Variants in DNAJC3 observed in about 807,000 individuals in gnomAD.
The protein encoded by DNAJC3 is DnaJ heat shock protein family (Hsp40) member C3, also known as dnaJ homolog subfamily C member 3.
DNAJC3 carries 38 observed loss-of-function variants against 68.6 expected under a neutral mutation model. That is an observed-to-expected ratio of 0.55 (90% CI 0.43 to 0.73). The LOEUF (loss-of-function observed/expected upper bound fraction) is 0.73, where lower values mean the gene tolerates loss of function less well. Ranked by LOEUF, DNAJC3 falls within the 30% of genes least tolerant of loss-of-function variation. The probability of loss-of-function intolerance (pLI) is 0.00; values close to 1 mark genes in which losing one functional copy is unlikely to be tolerated. For synonymous variants in DNAJC3, 203 were observed against 204.0 expected, an observed-to-expected ratio of 1.00 and a Z score of 0.04; for missense variants, 526 against 591.9, an observed-to-expected ratio of 0.89 and a Z score of 1.16.
In DNAJC3 at chr13:95,718,963, C is replaced by T. The variant is rs140681710; in HGVS notation, c.194-4279C>T. Among the ~76,000 whole-genome samples the T allele has an allele frequency of 1.9e-3, 293 of 152,264 alleles. 1 individual carries two copies. Among genetic ancestry groups the T allele is most frequent in the African/African-American group, 6.9e-3 (285 of 41,544 alleles). On this transcript the variant is annotated intron_variant, in intron 2 of 11. Transcript: ENST00000602402. Reference sequence around the variant, plus strand: ...ATCCCACAGATTGAGAGCTCAGTGCCACAAGACCACTCCTGACTTCAGAAG... The same window carrying T: ...ATCCCACAGATTGAGAGCTCAGTGCTACAAGACCACTCCTGACTTCAGAAG...
chr13:95,687,400 G>T (rs1201591202), intron 1 of DNAJC3, among the ~76,000 whole-genome samples: 1 of 152,116 alleles, frequency 6.6e-6, no homozygotes, highest in Non-Finnish European at 1.5e-5. Context: ...AGGACTTCCA[G>T]TACTATGTTG....
chr13:95,778,298 T>A (rs1481806787), intron 9 of DNAJC3, among the ~76,000 whole-genome samples: 2 of 152,188 alleles, frequency 1.3e-5, no homozygotes, highest in African/African-American at 4.8e-5. Flanking sequence ...AGCCCTTTGG[T>A]ACTGGTATAA....
chr13:95,745,381 C>T (rs1348871683), intron 4 of DNAJC3: 4 of 152,300 alleles, frequency 2.6e-5, no homozygotes, highest in Admixed American at 6.5e-5. Flanking sequence ...ACACGTCTAT[C>T]GTAAGAACTG....
intron 2 of DNAJC3, among the ~76,000 whole-genome samples, chr13:95,722,977 G>A (rs1311902235): frequency 6.6e-6 from 1 of 151,450 alleles, no homozygotes; most frequent in African/African-American, 2.4e-5. Context: ...TCTTTTTTTT[G>A]GGCAACTTTT....
At chr13:95,717,784 T>C (rs917401427) in intron 2 of DNAJC3, among the ~76,000 whole-genome samples, 1 of 152,228 alleles carries the variant, frequency 6.6e-6, no homozygotes, top group Non-Finnish European at 1.5e-5. Flanking sequence ...CGGCCATGAT[T>C]GTGAGGCCTC....
chr13:95,708,501 G>A (rs1319954737), intron 1 of DNAJC3, among the ~76,000 whole-genome samples: 4 of 152,124 alleles, frequency 2.6e-5, no homozygotes, highest in African/African-American at 9.7e-5. Context: ...ATATCTGCAT[G>A]CTCCCGACTT....
chr13:95,677,433 G>A, intron 1 of DNAJC3, 96 bp downstream of exon 1: 2 of 1,297,086 alleles, frequency 1.5e-6, no homozygotes, highest in Non-Finnish European at 1.0e-6. Flanking sequence ...GGAGCGGCTC[G>A]GGAGGTGGGG....
chr13:95,763,544 GGATT>G (rs1476770006), intron 7 of DNAJC3, 95 bp from the exon 8 acceptor site: 9 of 1,115,060 alleles, frequency 8.1e-6, no homozygotes, highest in African/African-American at 1.6e-5. Flanking sequence ...TCATCCAATT[GGATT>G]GATTAAGCAA....
chr13:95,725,760 G>A (rs980024482), intron 4 of DNAJC3, among the ~76,000 whole-genome samples: 3 of 150,264 alleles, frequency 2.0e-5, no homozygotes, highest in African/African-American at 7.4e-5. Context: ...TGCCATGTTG[G>A]TGTGCTGCAC....
At chr13:95,765,385 G>T in intron 9 of DNAJC3, among the ~76,000 whole-genome samples, 1 of 143,944 alleles carries the variant, frequency 6.9e-6, no homozygotes, top group African/African-American at 2.6e-5. Flanking sequence ...AGAAGCTACA[G>T]AAGAATATAA....
At chr13:95,739,869 T>C (rs1377277531) in intron 4 of DNAJC3, among the ~76,000 whole-genome samples, 1 of 152,222 alleles carries the variant, frequency 6.6e-6, no homozygotes, top group Non-Finnish European at 1.5e-5. Flanking sequence ...CTGCGTTCCT[T>C]TAGAGGAGGA....
In DNAJC3 at chr13:95,740,131, G is replaced by A. The variant is rs189219630; in HGVS notation, c.393+14879G>A. 1.2e-4 allele frequency among the ~76,000 whole-genome samples: 19 copies of A among 152,270 alleles called. No homozygotes were observed. The East Asian group carries it at 3.3e-3, about 26-fold the overall frequency. On this transcript the variant is annotated intron_variant, in intron 4 of 11. Coordinates refer to ENST00000602402, the MANE Select transcript of DNAJC3 (RefSeq NM_006260.5). ...CTCCCAGTTAGGCTGCTCGGGGGTC[G>A]GGGTCAGGGACCCACTTGAGGAGGC... is the stretch of plus-strand genomic sequence containing the variant.
At chr13:95,679,194 C>G (rs1879847619) in intron 1 of DNAJC3, among the ~76,000 whole-genome samples, 1 of 108,816 alleles carries the variant, frequency 9.2e-6, no homozygotes, top group Non-Finnish European at 1.8e-5. Context: ...GAAAAAAAAT[C>G]AGCACTTTTT....
intron 9 of DNAJC3, among the ~76,000 whole-genome samples, chr13:95,768,438 A>G (rs1184826854): frequency 6.6e-6 from 1 of 152,180 alleles, no homozygotes; most frequent in Non-Finnish European, 1.5e-5. Context: ...CATGAACTCC[A>G]TTTGACACAG....
intron 1 of DNAJC3, among the ~76,000 whole-genome samples, chr13:95,684,663 C>G (rs538462278): frequency 5.2e-4 from 79 of 152,324 alleles, no homozygotes; most frequent in Admixed American, 2.7e-3. Context: ...ACCTTTAAGG[C>G]AGCTCCTTCT....
intron 4 of DNAJC3, among the ~76,000 whole-genome samples, chr13:95,749,956 A>G (rs1055372418): frequency 6.6e-6 from 1 of 152,154 alleles, no homozygotes; most frequent in African/African-American, 2.4e-5. Context: ...AGGCTGAGGC[A>G]GGAGAATTGC....
At chr13:95,738,061 T>A (rs1361143418) in intron 4 of DNAJC3, among the ~76,000 whole-genome samples, 3 of 146,696 alleles carry the variant, frequency 2.0e-5, no homozygotes, top group African/African-American at 7.6e-5. Context: ...TCTTTATTTC[T>A]GCCTTCATTT....
intron 5 of DNAJC3, among the ~76,000 whole-genome samples, chr13:95,758,617 CAA>C (rs34861867): frequency 0.29 from 39,096 of 137,004 alleles, 6,596 homozygotes; most frequent in African/African-American, 0.49. Flanking sequence ...GACTCCGTCT[CAA>C]AAAAAAAAAA....
chr13:95,788,449 C>T (rs1883667078), intron 11 of DNAJC3, among the ~76,000 whole-genome samples: 1 of 152,216 alleles, frequency 6.6e-6, no homozygotes, highest in Admixed American at 6.5e-5. Context: ...CTTTTTCTTA[C>T]CTCCTGTTCT....
Sources: gnomAD v4.1 joint callset for allele counts (sites outside exome capture counted in the v4.1 genomes callset) on GRCh38, gnomAD v4.1.1 for gene constraint, MANE v1.5 for transcripts, NCBI Gene and HGNC (gene_info 2026-07-23, HGNC 2026-07-21) for gene names.